ABCA13: variants seen among roughly 807,000 people sequenced by gnomAD.
ABCA13 encodes ATP binding cassette subfamily A member 13.
Under a neutral mutation model 478.7 loss-of-function variants are expected in ABCA13, and 476 were observed. That is an observed-to-expected ratio of 0.99 (90% CI 0.92 to 1.07). The LOEUF (loss-of-function observed/expected upper bound fraction) is 1.07, where lower values mean the gene tolerates loss of function less well. ABCA13 is among the 50% of genes least tolerant of loss of function. The pLI is 0.00. For missense variants in ABCA13, 6,060 were observed against 5,910.6 expected, an observed-to-expected ratio of 1.03 and a Z score of -0.83; for synonymous variants, 2,252 against 2,158.9, an observed-to-expected ratio of 1.04 and a Z score of -1.20.
chr7:48,229,077 G>T (rs945468645), intron 6 of ABCA13, among the ~76,000 whole-genome samples: 3 of 152,112 alleles, frequency 2.0e-5, no homozygotes, highest in Non-Finnish European at 4.4e-5. Flanking sequence ...TGTCATAAAA[G>T]ATTTTTCTTG....
intron 2 of ABCA13, among the ~76,000 whole-genome samples, chr7:48,194,639 T>C (rs760880032): frequency 7.2e-5 from 11 of 152,326 alleles, no homozygotes; most frequent in Non-Finnish European, 1.3e-4. Flanking sequence ...TGGTTGACTC[T>C]GTAATCATTA....
At chr7:48,368,399 G>A (rs1385894706) in intron 32 of ABCA13, among the ~76,000 whole-genome samples, 1 of 151,830 alleles carries the variant, frequency 6.6e-6, no homozygotes, top group African/African-American at 2.4e-5. Context: ...AGATTTTGGT[G>A]CACCCATCAC....
intron 57 of ABCA13, among the ~76,000 whole-genome samples, chr7:48,593,890 C>A (rs73324231): frequency 0.1 from 15,354 of 151,958 alleles, 1,303 homozygotes; most frequent in African/African-American, 0.23. Flanking sequence ...CCACTCTTTC[C>A]CAGTCCTGAA....
intron 55 of ABCA13, among the ~76,000 whole-genome samples, chr7:48,552,555 C>T (rs985549225): frequency 2.7e-5 from 4 of 146,890 alleles, no homozygotes; most frequent in African/African-American, 7.5e-5. Flanking sequence ...TTTGTACTTC[C>T]TTTGTATTGT....
At chr7:48,548,001 C>A (rs149583887) in intron 55 of ABCA13, among the ~76,000 whole-genome samples, 29 of 152,024 alleles carry the variant, frequency 1.9e-4, no homozygotes, top group African/African-American at 6.7e-4. Context: ...TGCTAACACA[C>A]TACCTGTGGT....
chr7:48,377,441 T>TA (rs924919438), intron 35 of ABCA13, among the ~76,000 whole-genome samples: 36 of 151,784 alleles, frequency 2.4e-4, no homozygotes, highest in Admixed American at 1.3e-4. Context: ...AACTAAAAAT[T>TA]AAAAAAAATG....
chr7:48,614,780 C>G (rs10252144), intron 58 of ABCA13, among the ~76,000 whole-genome samples: 33,836 of 147,948 alleles, frequency 0.23, 4,729 homozygotes, highest in African/African-American at 0.33. Context: ...TAAACTATCG[C>G]AAGAACAAAA....
intron 1 of ABCA13, among the ~76,000 whole-genome samples, chr7:48,189,987 AATT>A (rs1480846045): frequency 6.6e-6 from 1 of 152,326 alleles, no homozygotes; most frequent in African/African-American, 2.4e-5. Context: ...ATATGCAAGG[AATT>A]ATTATATGCT....
chr7:48,219,536 C>T, intron 4 of ABCA13, 31 bp downstream of exon 4: 3 of 1,589,534 alleles, frequency 1.9e-6, no homozygotes, highest in Non-Finnish European at 2.6e-6. Flanking sequence ...TGTGACACTA[C>T]CTACCTGGAC....
chr7:48,474,318 C>G (rs1373369033), intron 45 of ABCA13, among the ~76,000 whole-genome samples: 3 of 152,018 alleles, frequency 2.0e-5, no homozygotes, highest in Non-Finnish European at 4.4e-5. Context: ...GTGGATAATT[C>G]TTTTAGGGAC....
intron 41 of ABCA13, among the ~76,000 whole-genome samples, chr7:48,418,602 A>T (rs1820339932): frequency 6.6e-6 from 1 of 152,136 alleles, no homozygotes; most frequent in South Asian, 2.1e-4. Context: ...TCCCTACGGT[A>T]GGTTTATCTT....
chr7:48,451,657 A>C (rs1418478922), intron 42 of ABCA13, among the ~76,000 whole-genome samples: 1 of 152,132 alleles, frequency 6.6e-6, no homozygotes, highest in Non-Finnish European at 1.5e-5. Flanking sequence ...AATTTTACTG[A>C]CTTGAAAGCA....
At chr7:48,400,974 G>T (rs1456532091) in intron 38 of ABCA13, among the ~76,000 whole-genome samples, 1 of 152,242 alleles carries the variant, frequency 6.6e-6, no homozygotes, top group Non-Finnish European at 1.5e-5. Flanking sequence ...AGTCCATGTG[G>T]GGGGTGAGAC....
intron 3 of ABCA13, among the ~76,000 whole-genome samples, chr7:48,204,004 C>G (rs1011404561): frequency 6.6e-6 from 1 of 152,134 alleles, no homozygotes; most frequent in Non-Finnish European, 1.5e-5. Flanking sequence ...CTGACCCTCT[C>G]TGCCTCTTTT....
At position 48,269,008 on chromosome 7, in the gene ABCA13, A is replaced by T. The variant is rs1294614967; in HGVS notation, c.2034A>T (p.Glu678Asp). Reference sequence around the variant, plus strand: ...TTCCTGAGGAATCTCCTTGTTTTGAAGAAAACATGGATTGGAAAATGATCA... The same window carrying T: ...TTCCTGAGGAATCTCCTTGTTTTGATGAAAACATGGATTGGAAAATGATCA... ...LAFPEESPCFEENMDWKMISD... is the reference protein window; with the variant it reads ...LAFPEESPCFDENMDWKMISD... The change falls in exon 16 of 62, where the codon GAA becomes GAT. Residue 678 changes from glutamate (E) to aspartate (D), a missense_variant. Transcript: ENST00000435803. 1.3e-6 allele frequency: 2 copies of T among 1,594,586 alleles called. No homozygotes were observed. Among genetic ancestry groups the T allele is most frequent in the Non-Finnish European group, 1.7e-6 (2 of 1,164,674 alleles).
In ABCA13 at chr7:48,594,795, C is replaced by T. The variant is rs142771782; in HGVS notation, c.14726C>T (p.Ala4909Val). 40 of 1,613,816 alleles carry T rather than the reference C, an allele frequency of 2.5e-5. 1 individual carries two copies. Among genetic ancestry groups the T allele is most frequent in the East Asian group, 8.9e-5 (4 of 44,874 alleles). The stretch of plus-strand genomic sequence containing the variant: ...AAGGAGGTTCGGGAAGGCTGTGCTG[C>T]GGTGCTGACCTCCCACAGGTGAGTT... ...IMKEVREGCA[A>V]VLTSHSMEEC... is the part of the protein sequence containing the mutation. The change falls in exon 58 of 62, where the codon GCG becomes GTG. Residue 4909 changes from alanine to valine, a missense_variant. Ala to Val is a moderately conservative substitution (Grantham distance 64). This residue lies in a region of ABCA13 where 1,627 missense variants were observed against 1,571.0 expected (regional missense o/e 1.04). Transcript: ENST00000435803.
At chr7:48,268,850 C>CTTTTTT (rs57201740) in intron 15 of ABCA13, 130 bp from the exon 16 acceptor site, 13 of 245,552 alleles carry the variant, frequency 5.3e-5, no homozygotes, top group South Asian at 2.7e-4. Context: ...TCCTACTCAT[C>CTTTTTT]TTTTTTTTTT....
At chr7:48,469,373 G>C (rs563158254) in intron 44 of ABCA13, among the ~76,000 whole-genome samples, 1 of 152,274 alleles carries the variant, frequency 6.6e-6, no homozygotes, top group Non-Finnish European at 1.5e-5. Flanking sequence ...TGTAGAGAAT[G>C]TGCATACCAG....
chr7:48,536,556 G>C (rs1472833892), intron 55 of ABCA13, among the ~76,000 whole-genome samples: 1 of 151,838 alleles, frequency 6.6e-6, no homozygotes, highest in Admixed American at 6.6e-5. Flanking sequence ...GCTGAAGTGG[G>C]AGAATCACGT....
Sources: gnomAD v4.1 joint callset for allele counts (sites outside exome capture counted in the v4.1 genomes callset) on GRCh38, gnomAD v4.1.1 for gene constraint, gnomAD v4.1.1 regional missense constraint, MANE v1.5 for transcripts, NCBI Gene and HGNC (gene_info 2026-07-23, HGNC 2026-07-21) for gene names.